Variants in RRP15 observed in about 807,000 individuals in gnomAD.
RRP15 encodes RRP15-like protein.
In RRP15, 18 loss-of-function variants were observed where a neutral mutation model predicts 27.1. That is an observed-to-expected ratio of 0.66 (90% confidence interval 0.46 to 0.98). RRP15 has a LOEUF of 0.98. Among genes scored for constraint, RRP15 ranks in the 50% least tolerant of loss-of-function variants. The pLI is 0.00. For missense variants in RRP15, 359 were observed against 337.8 expected, an observed-to-expected ratio of 1.06 and a Z score of -0.49; for synonymous variants, 107 against 109.4, an observed-to-expected ratio of 0.98 and a Z score of 0.14.
At chr1:218,290,993 A>G (rs950096423) in intron 1 of RRP15, among the ~76,000 whole-genome samples, 5 of 143,450 alleles carry the variant, frequency 3.5e-5, no homozygotes, top group Non-Finnish European at 7.4e-5. Context: ...CTAGCTGGAT[A>G]TGGTGGTGTG....
rs1316528144 is a variant in RRP15, at chr1:218,302,573, G to T, written c.405+14G>T. On this transcript the variant is annotated intron_variant, in intron 2 of 4. Transcript: ENST00000366932. ...AAAATAAAACAGGTATGTTCCACCA[G>T]TTCTCTTGTAGATTAGATTGTTTGT... 6.2e-7 allele frequency: 1 copy of T among 1,607,442 alleles called. No individual in the cohort carries two copies. The highest frequency in any genetic ancestry group is 8.5e-7 in the Non-Finnish European group (1 of 1,177,722).
At chr1:218,293,028 ATT>A (rs1271507234) in intron 1 of RRP15, among the ~76,000 whole-genome samples, 6 of 141,894 alleles carry the variant, frequency 4.2e-5, no homozygotes, top group Admixed American at 1.4e-4. Context: ...TTTTTTTCTT[ATT>A]TTTTTTTTTT....
chr1:218,308,554 A>G, intron 4 of RRP15, among the ~76,000 whole-genome samples: 1 of 152,198 alleles, frequency 6.6e-6, no homozygotes, highest in East Asian at 1.9e-4. Flanking sequence ...TTTCTGTCAT[A>G]AATTTTTTTG....
At chr1:218,292,546 C>G (rs189019035) in intron 1 of RRP15, among the ~76,000 whole-genome samples, 1,585 of 152,334 alleles carry the variant, frequency 0.01, 31 homozygotes, top group African/African-American at 0.036. Flanking sequence ...GAGACTCCAA[C>G]CCTTCACTGC....
In RRP15 at chr1:218,335,811, T is replaced by G. The variant is rs1656439035; in HGVS notation, c.*4720T>G. 1 of 152,200 alleles carries G rather than the reference T, an allele frequency of 6.6e-6. No individual in the cohort carries two copies. Among genetic ancestry groups the G allele is most frequent in the South Asian group, 2.1e-4 (1 of 4,838 alleles). 9.4% of individuals were successfully genotyped at this position (152,200 alleles called of 1,614,324 possible). A position where few individuals can be genotyped will look rare whatever the true frequency, so the allele number is the denominator to read the frequency against. On this transcript the variant is annotated 3_prime_UTR_variant, in exon 5 of 5. Transcript: ENST00000366932. ...TACTGGTGAAATTTTATTGATTGAA[T>G]TATTGTTGACTTTTTTTTCAGTATT...
intron 4 of RRP15, among the ~76,000 whole-genome samples, chr1:218,313,902 C>T (rs1656039691): frequency 6.6e-6 from 1 of 152,202 alleles, no homozygotes; most frequent in Non-Finnish European, 1.5e-5. Flanking sequence ...ATACAGGAAG[C>T]ATCATCCCAA....
rs369758533 is a variant in RRP15, at chr1:218,285,449, A to G, written c.133A>G (p.Ser45Gly). The change falls in exon 1 of 5, where the codon AGT becomes GGT. Residue 45 changes from serine to glycine, a missense_variant. Transcript: ENST00000366932. Reference protein sequence around the residue: ...LEDEATDTSDSEGSCGSEKDH... With the variant: ...LEDEATDTSDGEGSCGSEKDH... ...AGACGAGGCCACAGACACTTCTGAT[A>G]GTGAAGGTAATGTGGTAGGGCTGAG... The G allele has an allele frequency of 1.2e-6, 2 of 1,614,136 alleles. No homozygotes were observed. Among genetic ancestry groups the G allele is most frequent in the South Asian group, 1.1e-5 (1 of 91,086 alleles).
chr1:218,332,257 C>G lies in RRP15; in HGVS notation c.*1166C>G, dbSNP rs1656384000. ...CACTTAGACAACAAGTAATCTGCAGCAGAATATTGCATCCAATTTGAGACT... is the reference window on the plus strand; with the variant it reads ...CACTTAGACAACAAGTAATCTGCAGGAGAATATTGCATCCAATTTGAGACT... On this transcript the variant is annotated 3_prime_UTR_variant, in exon 5 of 5. Transcript: ENST00000366932. The G allele has an allele frequency of 6.6e-6, 1 of 152,130 alleles. No homozygotes were observed. The highest frequency in any genetic ancestry group is 2.4e-5 in the African/African-American group (1 of 41,430). The allele number at this position is 152,130 out of a possible 1,614,324, so 9.4% of individuals were successfully genotyped here. A position where few individuals can be genotyped will look rare whatever the true frequency, so the allele number is the denominator to read the frequency against.
At chr1:218,320,494 T>G (rs1280330403) in intron 4 of RRP15, among the ~76,000 whole-genome samples, 1 of 152,158 alleles carries the variant, frequency 6.6e-6, no homozygotes, top group Non-Finnish European at 1.5e-5. Flanking sequence ...CTTAGTTAAC[T>G]TTAACTTACT....
At chr1:218,296,451 C>A (rs1252461910) in intron 1 of RRP15, among the ~76,000 whole-genome samples, 6 of 151,936 alleles carry the variant, frequency 3.9e-5, no homozygotes, top group Non-Finnish European at 8.8e-5. Context: ...CCCAGGAGTT[C>A]AAGACCAGCC....
chr1:218,292,422 G>C (rs12063438), intron 1 of RRP15, among the ~76,000 whole-genome samples: 4,467 of 152,212 alleles, frequency 0.029, 88 homozygotes, highest in East Asian at 0.072. Flanking sequence ...AAAAAGCACA[G>C]AAATGGAAAA....
Position 218,331,042 on chromosome 1 carries a change from A to G in RRP15, c.800A>G (p.Asp267Gly), listed in dbSNP as rs758348745. The G allele has an allele frequency of 7.4e-6, 12 of 1,613,680 alleles. No homozygotes were observed. The highest frequency in any genetic ancestry group is 2.2e-5 in the East Asian group (1 of 44,864). Residue 267 changes from aspartate to glycine, a missense_variant, in exon 5 of 5, where the codon GAT (aspartate) becomes GGT (glycine). By Grantham distance (94) the Asp-to-Gly change is moderately conservative. Transcript: ENST00000366932. ...ATGAAAGACTGGGACAAGGAAAGTG[A>G]TGGGCCAGATGACAGCAGACCAGAA... ...ASMKDWDKES[D>G]GPDDSRPESA...
chr1:218,323,138 G>A (rs1412621915), intron 4 of RRP15, among the ~76,000 whole-genome samples: 1 of 152,212 alleles, frequency 6.6e-6, no homozygotes, highest in Non-Finnish European at 1.5e-5. Context: ...GAGCTCCTAG[G>A]TCTGGGCTTC....
At chr1:218,314,728 C>T (rs1656052951) in intron 4 of RRP15, among the ~76,000 whole-genome samples, 1 of 151,886 alleles carries the variant, frequency 6.6e-6, no homozygotes, top group Non-Finnish European at 1.5e-5. Flanking sequence ...CATGGTGGCT[C>T]ACATCTGTAA....
In RRP15 at chr1:218,297,961, C is replaced by T. The variant is rs1363895178; in HGVS notation, c.140-4333C>T. 2.0e-5 allele frequency among the ~76,000 whole-genome samples: 3 copies of T among 152,090 alleles called. No homozygotes were observed. The East Asian group carries it at 5.8e-4, about 29-fold the overall frequency. On this transcript the variant is annotated intron_variant, in intron 1 of 4. Coordinates refer to ENST00000366932, the MANE Select transcript of RRP15 (RefSeq NM_016052.4). ...TACTTTCTTTATGCCCAATTTTTAC[C>T]ATCCAATTCTCAAATCTTTTGTTTC...
intron 4 of RRP15, among the ~76,000 whole-genome samples, chr1:218,328,052 A>G (rs1656302082): frequency 6.6e-6 from 1 of 152,256 alleles, no homozygotes; most frequent in South Asian, 2.1e-4. Flanking sequence ...CTAATAACAT[A>G]TTTTCAAGTT....
intron 1 of RRP15, among the ~76,000 whole-genome samples, chr1:218,291,517 A>AC (rs1655640340): frequency 6.9e-6 from 1 of 144,682 alleles, no homozygotes; most frequent in African/African-American, 2.6e-5. Context: ...GAAAGAAATC[A>AC]TTGAATTTTC....
At chr1:218,319,116 A>C (rs902938768) in intron 4 of RRP15, among the ~76,000 whole-genome samples, 1 of 151,216 alleles carries the variant, frequency 6.6e-6, no homozygotes, top group Non-Finnish European at 1.5e-5. Flanking sequence ...CTGGAGTGCA[A>C]TGGTGCAATC....
chr1:218,303,946 C>T (rs939762648), intron 2 of RRP15, among the ~76,000 whole-genome samples: 2 of 151,978 alleles, frequency 1.3e-5, no homozygotes, highest in African/African-American at 4.8e-5. Flanking sequence ...ACATATTATC[C>T]TTTGAGTACG....
Sources: gnomAD v4.1 joint callset for allele counts (sites outside exome capture counted in the v4.1 genomes callset) on GRCh38, gnomAD v4.1.1 for gene constraint, MANE v1.5 for transcripts, NCBI Gene and HGNC (gene_info 2026-07-23, HGNC 2026-07-21) for gene names.